The following NRG1 variants were observed in gnomAD, a reference collection of about 807,000 sequenced individuals.
NRG1 encodes pro-neuregulin-1, membrane-bound isoform.
NRG1 carries 18 observed loss-of-function variants against 63.8 expected under a neutral mutation model. The observed-to-expected ratio is 0.28, with a 90% CI of 0.19 to 0.42. NRG1 has a LOEUF of 0.42. Ranked by LOEUF, NRG1 falls within the 10% of genes least tolerant of loss-of-function variation. NRG1 has a pLI of 1.00. For synonymous variants in NRG1, 302 were observed against 301.3 expected (o/e 1.00, Z -0.02); for missense variants, 762 against 814.7 (o/e 0.94, Z 0.79).
rs75741076 is a variant in NRG1 at position 32,084,222 on chromosome 8, C to T, written c.37+444791C>T. ...ATGGGATAACTATTTTTAGTTCCAT[C>T]GTCCTTATTAAAGGCTTTCATTATG... On this transcript the variant is annotated intron_variant, in intron 1 of 10. Coordinates refer to the NRG1 transcript ENST00000519301. 3.5e-4 allele frequency among the ~76,000 whole-genome samples: 53 copies of T among 152,250 alleles called. No individual in the cohort carries two copies. The East Asian group carries it at 9.6e-3, about 28-fold the overall frequency.
At chr8:31,941,578 A>G (rs1275885608) in intron 1 of NRG1, among the ~76,000 whole-genome samples, 1 of 152,160 alleles carries the variant, frequency 6.6e-6, no homozygotes, top group Non-Finnish European at 1.5e-5. Flanking sequence ...AAGAGCATCC[A>G]AAATGGTAAA....
chr8:31,853,082 T>A (rs1249168273), intron 1 of NRG1, among the ~76,000 whole-genome samples: 3 of 152,078 alleles, frequency 2.0e-5, no homozygotes, highest in African/African-American at 4.8e-5. Context: ...CAGGATTGAC[T>A]TGGCGATGCG....
chr8:31,835,138 A>G (rs972508765), intron 1 of NRG1, among the ~76,000 whole-genome samples: 5 of 152,188 alleles, frequency 3.3e-5, no homozygotes, highest in African/African-American at 1.2e-4. Context: ...AATCCTTTAT[A>G]TATGCTTAGG....
intron 1 of NRG1, among the ~76,000 whole-genome samples, chr8:32,428,994 G>A (rs1817786507): frequency 6.6e-6 from 1 of 152,118 alleles, no homozygotes; most frequent in African/African-American, 2.4e-5. Flanking sequence ...ACATAAGCTT[G>A]TTCATTCCAC....
At chr8:32,716,263 T>C (rs2128993286) in intron 5 of NRG1, among the ~76,000 whole-genome samples, 1 of 152,336 alleles carries the variant, frequency 6.6e-6, no homozygotes, top group East Asian at 1.9e-4. Context: ...TGAAAGCTTT[T>C]GAGTAAATGG....
At chr8:31,657,545 A>G (rs1412013643) in intron 1 of NRG1, among the ~76,000 whole-genome samples, 1 of 152,188 alleles carries the variant, frequency 6.6e-6, no homozygotes, top group East Asian at 1.9e-4. Context: ...GAGAATCTGC[A>G]TTTTTGAAAA....
chr8:32,719,643 A>G (rs893802668), intron 5 of NRG1, among the ~76,000 whole-genome samples: 11 of 152,050 alleles, frequency 7.2e-5, no homozygotes, highest in African/African-American at 2.4e-4. Context: ...AAAATTCACA[A>G]CCATTTTGAT....
At chr8:31,836,739 A>G (rs987620724) in intron 1 of NRG1, among the ~76,000 whole-genome samples, 5 of 152,116 alleles carry the variant, frequency 3.3e-5, no homozygotes, top group African/African-American at 1.2e-4. Context: ...GTAATGCTGT[A>G]GAGAATAACT....
chr8:31,718,301 C>G (rs751236847), intron 1 of NRG1, among the ~76,000 whole-genome samples: 4 of 151,982 alleles, frequency 2.6e-5, no homozygotes, highest in Non-Finnish European at 5.9e-5. Context: ...GTACCTGCTT[C>G]GAAAAATGGG....
intron 5 of NRG1, among the ~76,000 whole-genome samples, chr8:32,694,058 C>T (rs1027117214): frequency 2.0e-5 from 3 of 152,152 alleles, no homozygotes; most frequent in African/African-American, 7.2e-5. Context: ...TTCAGCTGTG[C>T]TTCCATAGCT....
chr8:32,012,439 G>T (rs941841353), intron 1 of NRG1, among the ~76,000 whole-genome samples: 1 of 152,034 alleles, frequency 6.6e-6, no homozygotes, highest in African/African-American at 2.4e-5. Flanking sequence ...AATAGTTTTA[G>T]GCATACTAAA....
chr8:31,718,386 A>C (rs1812571705), intron 1 of NRG1, among the ~76,000 whole-genome samples: 1 of 152,134 alleles, frequency 6.6e-6, no homozygotes, highest in African/African-American at 2.4e-5. Flanking sequence ...TCTTATAGGA[A>C]TCCTTTAATG....
chr8:32,580,557 G>A (rs74500384), intron 1 of NRG1, among the ~76,000 whole-genome samples: 6,430 of 152,160 alleles, frequency 0.042, 161 homozygotes, highest in Middle Eastern at 0.078. Flanking sequence ...CTATGAGATA[G>A]GTTCTATTTC....
chr8:32,275,757 TAGA>T (rs2129472794), intron 1 of NRG1, among the ~76,000 whole-genome samples: 1 of 152,152 alleles, frequency 6.6e-6, no homozygotes, highest in South Asian at 2.1e-4. Flanking sequence ...GGCCTTGATT[TAGA>T]AGATCTGCGG....
At chr8:32,031,475 T>C (rs986559439) in intron 1 of NRG1, among the ~76,000 whole-genome samples, 2 of 152,230 alleles carry the variant, frequency 1.3e-5, no homozygotes, top group Admixed American at 1.3e-4. Flanking sequence ...CCTCCCACAC[T>C]GCCTATTTCC....
chr8:32,014,750 C>G (rs1815255345), intron 1 of NRG1, among the ~76,000 whole-genome samples: 1 of 148,874 alleles, frequency 6.7e-6, no homozygotes. Flanking sequence ...GTCTTAAATC[C>G]CAACACCTGT....
chr8:32,562,292 G>A (rs1184821565), intron 1 of NRG1, among the ~76,000 whole-genome samples: 1 of 152,106 alleles, frequency 6.6e-6, no homozygotes, highest in East Asian at 1.9e-4. Flanking sequence ...TGGTCGCCCA[G>A]GCTGGAGTGC....
chr8:31,909,042 G>C (rs1832739792), intron 1 of NRG1, among the ~76,000 whole-genome samples: 1 of 152,250 alleles, frequency 6.6e-6, no homozygotes, highest in Non-Finnish European at 1.5e-5. Context: ...AACTTCAACT[G>C]TAGGTCATCT....
rs562293979 is a variant in NRG1, at chr8:31,955,108, T to C, written c.37+315677T>C. ...TACTATTAGGTTGGTGTAAAAATAG[T>C]TGTGCTTTTTTCCATTAAATAGTAA... On this transcript the variant is annotated intron_variant, in intron 1 of 10. Coordinates refer to the NRG1 transcript ENST00000519301. Among the ~76,000 whole-genome samples the C allele has an allele frequency of 5.9e-5, 9 of 152,312 alleles. No homozygotes were observed. The East Asian group carries it at 1.5e-3, about 26-fold the overall frequency.
Sources: allele counts gnomAD v4.1 joint callset (sites outside exome capture counted in the v4.1 genomes callset), GRCh38; gene constraint gnomAD v4.1.1; transcripts MANE v1.5; gene names NCBI Gene and HGNC (gene_info 2026-07-23, HGNC 2026-07-21).